MAML2: variants seen among roughly 807,000 people sequenced by gnomAD.
The protein encoded by MAML2 is mastermind like transcriptional coactivator 2, also known as mastermind-like protein 2.
In MAML2, 22 loss-of-function variants were observed where a neutral mutation model predicts 96.1. The ratio of observed to expected loss-of-function variants is 0.23; its 90% CI spans 0.16 to 0.33. The LOEUF (loss-of-function observed/expected upper bound fraction) is 0.33. Ranked by LOEUF, MAML2 falls within the 10% of genes least tolerant of loss-of-function variation. The probability of loss-of-function intolerance (pLI) is 1.00; values close to 1 mark genes in which losing one functional copy is unlikely to be tolerated. For missense variants in MAML2, 1,367 were observed against 1,392.4 expected, an observed-to-expected ratio of 0.98 and a Z score of 0.29; for synonymous variants, 561 against 521.3, an observed-to-expected ratio of 1.08 and a Z score of -1.04.
intron 1 of MAML2, among the ~76,000 whole-genome samples, chr11:96,094,516 T>C (rs1326881388): frequency 6.6e-6 from 1 of 152,212 alleles, no homozygotes; most frequent in Non-Finnish European, 1.5e-5. Context: ...AAAGGGGAGC[T>C]TGTCTAAACA....
chr11:96,156,292 C>A (rs1861010617), intron 1 of MAML2, among the ~76,000 whole-genome samples: 1 of 152,234 alleles, frequency 6.6e-6, no homozygotes, highest in African/African-American at 2.4e-5. Context: ...TCCTCCTCCG[C>A]CCCTCACACA....
intron 1 of MAML2, among the ~76,000 whole-genome samples, chr11:96,184,547 A>C (rs1431165894): frequency 6.6e-6 from 1 of 152,028 alleles, no homozygotes; most frequent in East Asian, 1.9e-4. Flanking sequence ...TGGATTATTC[A>C]AATTCCAAAT....
chr11:96,053,539 T>C (rs1165416000), intron 2 of MAML2, among the ~76,000 whole-genome samples: 2 of 151,852 alleles, frequency 1.3e-5, no homozygotes, highest in Non-Finnish European at 2.9e-5. Flanking sequence ...TTATAAACAA[T>C]AGCCAACAAT....
chr11:95,979,582 C>A lies in MAML2; in HGVS notation c.2837G>T (p.Ser946Ile), dbSNP rs774940709. ...GTTTGATGTTCTCTGTGGTGGCATG[C>A]TTGCCATACTATGGGTTAAATTTGG... ...LRPNLTHSMA[S>I]MPPQRTSNVM... The change falls in exon 5 of 5, where the codon AGC becomes ATC. Residue 946 changes from serine (S) to isoleucine (I), a missense_variant. By Grantham distance (142) the Ser-to-Ile change is moderately radical (BLOSUM62 -2). Coordinates refer to ENST00000524717, the MANE Select transcript of MAML2 (RefSeq NM_032427.4). 4 of 1,613,780 alleles carry A rather than the reference C, an allele frequency of 2.5e-6. No individual in the cohort carries two copies. The highest frequency in any genetic ancestry group is 1.3e-5 in the African/African-American group (1 of 74,890).
chr11:95,999,202 T>TCTATCCA (rs1858043306), intron 2 of MAML2, among the ~76,000 whole-genome samples: 1 of 152,196 alleles, frequency 6.6e-6, no homozygotes, highest in East Asian at 1.9e-4. Context: ...GAAAATCTTG[T>TCTATCCA]AAATCTATCC....
At chr11:96,124,096 CAAAAAAA>C (rs11464319) in intron 1 of MAML2, among the ~76,000 whole-genome samples, 1 of 96,382 alleles carries the variant, frequency 1.0e-5, no homozygotes. Context: ...AACTCTGTCT[CAAAAAAA>C]AAAAAAAAAA....
At chr11:96,232,239 GCA>G (rs1030768551) in intron 1 of MAML2, among the ~76,000 whole-genome samples, 4 of 152,182 alleles carry the variant, frequency 2.6e-5, no homozygotes, top group African/African-American at 9.7e-5. Flanking sequence ...TCAAACGGCT[GCA>G]CAGATTATGT....
intron 2 of MAML2, among the ~76,000 whole-genome samples, chr11:96,069,059 C>T (rs922684487): frequency 2.0e-5 from 3 of 151,532 alleles, no homozygotes; most frequent in African/African-American, 7.3e-5. Flanking sequence ...GTAGCTAGGA[C>T]TACAGGCTAC....
At chr11:96,139,498 G>A (rs2135864557) in intron 1 of MAML2, among the ~76,000 whole-genome samples, 1 of 150,330 alleles carries the variant, frequency 6.7e-6, no homozygotes, top group South Asian at 2.1e-4. Flanking sequence ...AAAGACAGTG[G>A]TATCCAACAA....
At chr11:96,035,914 C>T (rs1335205927) in intron 2 of MAML2, among the ~76,000 whole-genome samples, 1 of 152,116 alleles carries the variant, frequency 6.6e-6, no homozygotes. Flanking sequence ...ACGTGCTGGG[C>T]ATCTGTGAAC....
At chr11:96,050,267 G>A (rs1858970001) in intron 2 of MAML2, among the ~76,000 whole-genome samples, 1 of 152,212 alleles carries the variant, frequency 6.6e-6, no homozygotes, top group Admixed American at 6.5e-5. Context: ...GAATGGGACT[G>A]TCGGTAGGGG....
intron 1 of MAML2, among the ~76,000 whole-genome samples, chr11:96,104,306 G>T (rs753214797): frequency 2.0e-5 from 3 of 152,172 alleles, no homozygotes; most frequent in African/African-American, 4.8e-5. Context: ...AAATAAAAAT[G>T]TGTAGAAGAA....
chr11:96,300,474 C>A (rs533250816), intron 1 of MAML2, among the ~76,000 whole-genome samples: 3 of 152,264 alleles, frequency 2.0e-5, no homozygotes, highest in East Asian at 3.9e-4. Flanking sequence ...GCTGATACCT[C>A]TTCCTAACTC....
intron 1 of MAML2, among the ~76,000 whole-genome samples, chr11:96,169,843 C>T (rs934214070): frequency 6.6e-6 from 1 of 152,170 alleles, no homozygotes; most frequent in African/African-American, 2.4e-5. Context: ...TTAGTAGAGA[C>T]GGGGTTTCCC....
chr11:96,248,312 A>G (rs1410905982), intron 1 of MAML2, among the ~76,000 whole-genome samples: 1 of 150,580 alleles, frequency 6.6e-6, no homozygotes, highest in Non-Finnish European at 1.5e-5. Context: ...GGGTTTCATC[A>G]TTTTGGCCAG....
intron 2 of MAML2, among the ~76,000 whole-genome samples, chr11:96,065,618 C>A (rs1342697605): frequency 6.6e-6 from 1 of 152,140 alleles, no homozygotes; most frequent in African/African-American, 2.4e-5. Flanking sequence ...TTATTGTGAC[C>A]TTTTTATATG....
At chr11:96,077,105 A>G (rs1565206985) in intron 2 of MAML2, among the ~76,000 whole-genome samples, 2 of 151,956 alleles carry the variant, frequency 1.3e-5, no homozygotes, top group Non-Finnish European at 2.9e-5. Flanking sequence ...ATTGCCTTAT[A>G]AAGTATCTTT....
At chr11:96,255,364 G>T (rs1246379907) in intron 1 of MAML2, among the ~76,000 whole-genome samples, 1 of 152,162 alleles carries the variant, frequency 6.6e-6, no homozygotes, top group Non-Finnish European at 1.5e-5. Flanking sequence ...AACCTTTTCA[G>T]GTGTTATCCC....
At chr11:96,095,192 AGTAT>A (rs1207251322) in intron 1 of MAML2, among the ~76,000 whole-genome samples, 1 of 152,142 alleles carries the variant, frequency 6.6e-6, no homozygotes, top group Non-Finnish European at 1.5e-5. Context: ...GGATCAACCT[AGTAT>A]AAAGGGGCCA....
Sources: gnomAD v4.1 joint callset for allele counts (sites outside exome capture counted in the v4.1 genomes callset) on GRCh38, gnomAD v4.1.1 for gene constraint, MANE v1.5 for transcripts, NCBI Gene and HGNC (gene_info 2026-07-23, HGNC 2026-07-21) for gene names.